Variants in IL1RAPL2 observed in about 807,000 individuals in gnomAD.
The protein encoded by IL1RAPL2 is X-linked interleukin-1 receptor accessory protein-like 2.
In IL1RAPL2, 3 loss-of-function variants were observed where a neutral mutation model predicts 44.1. The observed-to-expected ratio is 0.07, with a 90% CI of 0.03 to 0.18. The LOEUF is 0.18. Among genes scored for constraint, IL1RAPL2 ranks in the 10% least tolerant of loss-of-function variants. The pLI is 1.00. For missense variants in IL1RAPL2, 391 were observed against 496.4 expected, an observed-to-expected ratio of 0.79 and a Z score of 2.02; for synonymous variants, 181 against 178.8, an observed-to-expected ratio of 1.01 and a Z score of -0.10.
chrX:104,633,190 T>C (rs376926677), intron 1 of IL1RAPL2, among the ~76,000 whole-genome samples: 2 of 111,641 alleles, frequency 1.8e-5, no homozygotes, highest in Admixed American at 9.5e-5. Context: ...AGGGATGAAG[T>C]CCACTTGATC....
rs191083704 is a variant in IL1RAPL2 at position 105,029,713 on chromosome X, C to T, written c.83-165762C>T. 2.4e-3 allele frequency among the ~76,000 whole-genome samples: 260 copies of T among 110,353 alleles called. 1 individual carries two copies. The highest frequency in any genetic ancestry group is 7.9e-3 in the African/African-American group (238 of 30,258). ...TGTGAATAGTGCCGCAATAAACATA[C>T]GTGTGCATGTATCTTTATAGCAGCA... is the stretch of plus-strand genomic sequence containing the variant. On this transcript the variant is annotated intron_variant, in intron 2 of 10. Coordinates refer to ENST00000372582, the MANE Select transcript of IL1RAPL2 (RefSeq NM_017416.2).
rs765639075 is a variant in IL1RAPL2, at chrX:104,569,570, T to C, written c.-20+2519T>C. On this transcript the variant is annotated intron_variant, in intron 1 of 10. Transcript: ENST00000372582. ...CATGTCTCCACAGCTGCAAAGCCCA[T>C]TGAAATTTTATTTAGCTTTAAAAAG... 3.6e-5 allele frequency among the ~76,000 whole-genome samples: 4 copies of C among 112,376 alleles called. No homozygotes were observed. In the Admixed American group the frequency reaches 3.8e-4, roughly 11 times the overall value.
At chrX:105,438,237 G>A (rs1444098147) in intron 5 of IL1RAPL2, among the ~76,000 whole-genome samples, 1 of 111,431 alleles carries the variant, frequency 9.0e-6, no homozygotes, top group African/African-American at 3.3e-5. Flanking sequence ...CACAGAGGTT[G>A]ATGACGTGAG....
chrX:105,099,640 G>A (rs1156454057), intron 2 of IL1RAPL2, among the ~76,000 whole-genome samples: 3 of 105,592 alleles, frequency 2.8e-5, no homozygotes, highest in African/African-American at 1.1e-4. Context: ...ATTTTTTTTT[G>A]TATTTTTAGT....
chrX:104,806,984 G>A (rs1209963513), intron 2 of IL1RAPL2, among the ~76,000 whole-genome samples: 1 of 111,140 alleles, frequency 9.0e-6, no homozygotes, highest in East Asian at 2.8e-4. Flanking sequence ...GCAGAAAGAT[G>A]CCAACAGATA....
At chrX:105,069,168 T>A (rs888292225) in intron 2 of IL1RAPL2, among the ~76,000 whole-genome samples, 6 of 112,498 alleles carry the variant, frequency 5.3e-5, no homozygotes, top group Non-Finnish European at 9.4e-5. Flanking sequence ...GGAAACAGAG[T>A]GGGCAGCACA....
At chrX:105,718,355 A>G (rs1254285149) in intron 7 of IL1RAPL2, among the ~76,000 whole-genome samples, 1 of 111,700 alleles carries the variant, frequency 9.0e-6, no homozygotes, top group Non-Finnish European at 1.9e-5. Flanking sequence ...GCTTTGTATT[A>G]TTTACTATGT....
At chrX:104,679,501 G>A (rs1046550107) in intron 2 of IL1RAPL2, among the ~76,000 whole-genome samples, 6 of 111,931 alleles carry the variant, frequency 5.4e-5, no homozygotes, top group Admixed American at 9.5e-5. Context: ...AAACAGTTCC[G>A]TTTCCTGGGT....
chrX:105,221,721 G>A (rs1556182452), intron 3 of IL1RAPL2, among the ~76,000 whole-genome samples: 1 of 112,004 alleles, frequency 8.9e-6, no homozygotes, highest in Non-Finnish European at 1.9e-5. Flanking sequence ...TTGTTAGATA[G>A]GAACTCAAAG....
intron 2 of IL1RAPL2, among the ~76,000 whole-genome samples, chrX:104,959,515 C>T (rs1234103807): frequency 2.7e-5 from 3 of 111,789 alleles, no homozygotes; most frequent in Middle Eastern, 4.2e-3. Context: ...AGTTGGAACA[C>T]TTTTTTTAAA....
chrX:105,042,365 TCAAA>T (rs1327319803), intron 2 of IL1RAPL2, among the ~76,000 whole-genome samples: 4 of 110,437 alleles, frequency 3.6e-5, no homozygotes, highest in Admixed American at 9.7e-5. Context: ...TGCAATGAAC[TCAAA>T]CAAATTTACA....
intron 1 of IL1RAPL2, among the ~76,000 whole-genome samples, chrX:104,588,774 A>C (rs961168330): frequency 2.7e-5 from 3 of 112,147 alleles, no homozygotes; most frequent in African/African-American, 6.5e-5. Flanking sequence ...CTTCTGAATA[A>C]TCTTCACTGT....
chrX:104,630,844 T>A (rs1929628534), intron 1 of IL1RAPL2, among the ~76,000 whole-genome samples: 2 of 110,272 alleles, frequency 1.8e-5, no homozygotes, highest in Admixed American at 9.7e-5. Context: ...TTCAAGCTTC[T>A]TTTTTTTATT....
intron 2 of IL1RAPL2, among the ~76,000 whole-genome samples, chrX:105,037,291 A>T (rs2031646465): frequency 9.0e-6 from 1 of 111,378 alleles, no homozygotes; most frequent in African/African-American, 3.3e-5. Flanking sequence ...AGTAGTGTGA[A>T]AGTGATTTTT....
intron 4 of IL1RAPL2, among the ~76,000 whole-genome samples, chrX:105,260,503 G>A (rs2034349841): frequency 8.9e-6 from 1 of 112,111 alleles, no homozygotes; most frequent in South Asian, 3.7e-4. Context: ...AAAGCCTGAA[G>A]GTTGAAATGG....
At chrX:105,035,509 A>G (rs1010039625) in intron 2 of IL1RAPL2, among the ~76,000 whole-genome samples, 11 of 112,420 alleles carry the variant, frequency 9.8e-5, no homozygotes, top group Non-Finnish European at 3.8e-5. Context: ...GCCAGAGTCT[A>G]CAGTTCACAT....
chrX:105,745,772 C>T (rs1336188781), intron 8 of IL1RAPL2, among the ~76,000 whole-genome samples: 2 of 111,439 alleles, frequency 1.8e-5, no homozygotes, highest in African/African-American at 6.5e-5. Flanking sequence ...CAGCCTCAAA[C>T]TCCTGAGCCC....
intron 2 of IL1RAPL2, among the ~76,000 whole-genome samples, chrX:104,684,905 T>A (rs1287073801): frequency 8.9e-6 from 1 of 112,212 alleles, no homozygotes; most frequent in Non-Finnish European, 1.9e-5. Flanking sequence ...TTATGGATTA[T>A]CAGTTTTGTC....
intron 2 of IL1RAPL2, among the ~76,000 whole-genome samples, chrX:105,128,517 C>T (rs1359507317): frequency 1.8e-5 from 2 of 111,041 alleles, no homozygotes; most frequent in Non-Finnish European, 3.8e-5. Context: ...TTTGGAAATT[C>T]CTTCAAGTCA....
Sources: gnomAD v4.1 joint callset for allele counts (sites outside exome capture counted in the v4.1 genomes callset) on GRCh38, gnomAD v4.1.1 for gene constraint, MANE v1.5 for transcripts, NCBI Gene and HGNC (gene_info 2026-07-23, HGNC 2026-07-21) for gene names.